The following NPLOC4 variants were observed in gnomAD, a reference collection of about 807,000 sequenced individuals.
The protein encoded by NPLOC4 is nuclear protein localization protein 4 homolog.
A neutral mutation model predicts 80.6 loss-of-function variants in NPLOC4; 18 were observed. The ratio of observed to expected loss-of-function variants is 0.22; its 90% CI spans 0.15 to 0.33. The LOEUF (loss-of-function observed/expected upper bound fraction) is 0.33, where lower values mean the gene tolerates loss of function less well. Ranked by LOEUF, NPLOC4 falls within the 10% of genes least tolerant of loss-of-function variation. The pLI, the probability that NPLOC4 is intolerant of heterozygous loss-of-function variation, is 1.00. For missense variants in NPLOC4, 540 were observed against 786.1 expected, an observed-to-expected ratio of 0.69 and a Z score of 3.74; for synonymous variants, 313 against 301.5, an observed-to-expected ratio of 1.04 and a Z score of -0.39.
At chr17:81,573,996 CG>C (rs1333458637) in intron 12 of NPLOC4, among the ~76,000 whole-genome samples, 1 of 152,168 alleles carries the variant, frequency 6.6e-6, no homozygotes, top group East Asian at 1.9e-4. Context: ...GTGATGGGGG[CG>C]CTAAAGACAC....
intron 16 of NPLOC4, chr17:81,564,083 AACACACACACACACAC>A (rs58774657): frequency 1.5e-5 from 4 of 274,918 alleles, no homozygotes; most frequent in East Asian, 1.2e-4. Flanking sequence ...TCCAGCTCAA[AACACACACACACACAC>A]ACACACACAC....
chr17:81,616,729 CAAAAA>C (rs71166160), intron 3 of NPLOC4, among the ~76,000 whole-genome samples: 1 of 142,838 alleles, frequency 7.0e-6, no homozygotes, highest in African/African-American at 2.5e-5. Flanking sequence ...GACTCCATCT[CAAAAA>C]AAAAAAAAAG....
chr17:81,631,025 T>C (rs2035913704), intron 1 of NPLOC4, among the ~76,000 whole-genome samples: 1 of 151,532 alleles, frequency 6.6e-6, no homozygotes, highest in Non-Finnish European at 1.5e-5. Context: ...ATACAAAAAT[T>C]AGCTGGGCGT....
chr17:81,631,484 G>C (rs1042505742), intron 1 of NPLOC4, among the ~76,000 whole-genome samples: 43 of 139,862 alleles, frequency 3.1e-4, no homozygotes, highest in Non-Finnish European at 4.7e-4. Context: ...AGCCTAAAAA[G>C]GTTGGCAGAT....
intron 13 of NPLOC4, among the ~76,000 whole-genome samples, chr17:81,571,405 A>G (rs904218417): frequency 2.0e-5 from 3 of 152,194 alleles, no homozygotes; most frequent in African/African-American, 7.2e-5. Flanking sequence ...TCCAAAAAGG[A>G]GCTGAGACAC....
At chr17:81,590,923 T>C (rs980500469) in intron 11 of NPLOC4, among the ~76,000 whole-genome samples, 2 of 152,196 alleles carry the variant, frequency 1.3e-5, no homozygotes, top group African/African-American at 4.8e-5. Context: ...TTCACCAGCA[T>C]AGGATTTTCT....
intron 1 of NPLOC4, among the ~76,000 whole-genome samples, chr17:81,635,443 A>G (rs2036041866): frequency 6.6e-6 from 1 of 151,954 alleles, no homozygotes; most frequent in Non-Finnish European, 1.5e-5. Flanking sequence ...GTTGGGAAAC[A>G]TGGAGGCACC....
At chr17:81,587,952 G>C (rs1234278721) in intron 12 of NPLOC4, 1 of 152,146 alleles carries the variant, frequency 6.6e-6, no homozygotes, top group African/African-American at 2.4e-5. Context: ...TGGGATTACA[G>C]GCATGAGCCG....
intron 12 of NPLOC4, among the ~76,000 whole-genome samples, chr17:81,587,857 A>T (rs1411764696): frequency 6.8e-6 from 1 of 147,010 alleles, no homozygotes; most frequent in Middle Eastern, 3.6e-3. Flanking sequence ...TTTTTTTTTT[A>T]GTAGAGACGG....
chr17:81,636,883 G>T, intron 1 of NPLOC4, 33 bp downstream of exon 1: 3 of 1,405,960 alleles, frequency 2.1e-6, no homozygotes, highest in Non-Finnish European at 2.8e-6. Flanking sequence ...CCTCATCCCG[G>T]CGTCCCCGCT....
At chr17:81,585,170 C>CAAAAAAAAAAAAAAAAAAAAAA (rs35473939) in intron 12 of NPLOC4, among the ~76,000 whole-genome samples, 2 of 40,872 alleles carry the variant, frequency 4.9e-5, no homozygotes, top group African/African-American at 1.3e-4. Context: ...ACTCTGTCGC[C>CAAAAAAAAAAAAAAAAAAAAAA]AAAAAAAAAA....
intron 12 of NPLOC4, among the ~76,000 whole-genome samples, chr17:81,578,336 C>T (rs887534615): frequency 7.2e-5 from 11 of 152,044 alleles, no homozygotes; most frequent in African/African-American, 2.4e-4. Flanking sequence ...ATGGCCACCT[C>T]GGCGCACCCT....
chr17:81,601,982 C>T (rs558501550), intron 8 of NPLOC4, among the ~76,000 whole-genome samples: 7 of 152,114 alleles, frequency 4.6e-5, no homozygotes, highest in African/African-American at 7.2e-5. Flanking sequence ...GCTAGCCATC[C>T]GGTGATCTCC....
At chr17:81,629,025 C>G (rs2035867371) in intron 2 of NPLOC4, among the ~76,000 whole-genome samples, 1 of 151,716 alleles carries the variant, frequency 6.6e-6, no homozygotes, top group East Asian at 1.9e-4. Flanking sequence ...ACTACAGGTG[C>G]CCGCCACCAC....
At chr17:81,575,613 G>T (rs1210423676) in intron 12 of NPLOC4, among the ~76,000 whole-genome samples, 1 of 152,190 alleles carries the variant, frequency 6.6e-6, no homozygotes, top group African/African-American at 2.4e-5. Flanking sequence ...AATCGGCAAG[G>T]ACAGCTGGAC....
chr17:81,629,921 T>C, intron 1 of NPLOC4, 116 bp from the exon 2 acceptor site: 1 of 728,584 alleles, frequency 1.4e-6, no homozygotes, highest in East Asian at 2.5e-5. Context: ...AAGCCAAACC[T>C]CACTCTTCAC....
At chr17:81,631,436 A>ATATATATATATAT (rs1330720098) in intron 1 of NPLOC4, among the ~76,000 whole-genome samples, 1 of 117,046 alleles carries the variant, frequency 8.5e-6, no homozygotes, top group African/African-American at 3.1e-5. Flanking sequence ...ATATATATAT[A>ATATATATATATAT]TTTTTTTTTT....
intron 12 of NPLOC4, among the ~76,000 whole-genome samples, chr17:81,575,289 G>C (rs1012437126): frequency 6.6e-6 from 1 of 152,146 alleles, no homozygotes; most frequent in Non-Finnish European, 1.5e-5. Flanking sequence ...TTTTAGTAGA[G>C]ACGGGGTTTC....
chr17:81,606,268 G>A (rs551470470), intron 7 of NPLOC4, among the ~76,000 whole-genome samples: 6 of 152,222 alleles, frequency 3.9e-5, no homozygotes, highest in Non-Finnish European at 7.4e-5. Flanking sequence ...ACTCAGAGGC[G>A]GGACAAGGAC....
Sources: gnomAD v4.1 joint callset for allele counts (sites outside exome capture counted in the v4.1 genomes callset) on GRCh38, gnomAD v4.1.1 for gene constraint, MANE v1.5 for transcripts, NCBI Gene and HGNC (gene_info 2026-07-23, HGNC 2026-07-21) for gene names.